GCN1: variants seen among roughly 807,000 people sequenced by gnomAD.
The protein encoded by GCN1 is GCN1 activator of EIF2AK4.
GCN1 carries 90 observed loss-of-function variants against 288.4 expected under a neutral mutation model. The observed-to-expected ratio is 0.31, with a 90% CI of 0.26 to 0.37. The LOEUF (loss-of-function observed/expected upper bound fraction) is 0.37. Ranked by LOEUF, GCN1 falls within the 10% of genes least tolerant of loss-of-function variation. GCN1 has a pLI of 1.00. For synonymous variants in GCN1, 1,386 were observed against 1,420.2 expected (o/e 0.98, Z 0.54); for missense variants, 2,586 against 3,419.9 (o/e 0.76, Z 6.08).
At chr12:120,166,220 T>G (rs1282833486) in intron 16 of GCN1, among the ~76,000 whole-genome samples, 1 of 147,456 alleles carries the variant, frequency 6.8e-6, no homozygotes, top group East Asian at 2.1e-4. Flanking sequence ...CTGGCCAACA[T>G]AGTAAAACCC....
Position 120,158,058 on chromosome 12 carries a change from C to A in GCN1, c.2906-28G>T. On this transcript the variant is annotated intron_variant, in intron 25 of 57. Transcript: ENST00000300648. This position sits in a 1 kb window ranked among gnomAD's most constrained non-coding sequence, Gnocchi z 4.3. ...GTGAGAGCGAGAAGCAGATAAGATTCTGCAGGCAGGGCAGGGACCCGGGCC... is the reference window on the plus strand; with the variant it reads ...GTGAGAGCGAGAAGCAGATAAGATTATGCAGGCAGGGCAGGGACCCGGGCC... 4 of 1,609,772 alleles carry A rather than the reference C, an allele frequency of 2.5e-6. No homozygotes were observed. Among genetic ancestry groups the A allele is most frequent in the Non-Finnish European group, 3.4e-6 (4 of 1,177,140 alleles).
intron 45 of GCN1, 35 bp downstream of exon 45, chr12:120,140,824 G>C (rs1448340641): frequency 6.2e-7 from 1 of 1,602,214 alleles, no homozygotes; most frequent in Non-Finnish European, 8.5e-7. Context: ...GTCGTCTGCA[G>C]TGCACAGCTG....
At chr12:120,180,305 C>T (rs9651914) in intron 5 of GCN1, among the ~76,000 whole-genome samples, 31,760 of 149,896 alleles carry the variant, frequency 0.21, 4,013 homozygotes, top group East Asian at 0.56. Flanking sequence ...GCCTGGGCAA[C>T]GAGAGCGAAA....
intron 53 of GCN1, among the ~76,000 whole-genome samples, chr12:120,133,978 G>A (rs1168902795): frequency 1.3e-5 from 2 of 152,208 alleles, no homozygotes; most frequent in East Asian, 1.9e-4. Flanking sequence ...ACCGAGGCAG[G>A]AGAATCGCTT....
At chr12:120,150,187 T>G in intron 34 of GCN1, 144 bp from the exon 35 acceptor site, 1 of 740,532 alleles carries the variant, frequency 1.4e-6, no homozygotes, top group Non-Finnish European at 2.2e-6. Flanking sequence ...AGATGCCCCA[T>G]GAGGAGGCAG....
At chr12:120,175,897 C>T in intron 10 of GCN1, 23 bp from the exon 11 acceptor site, 1 of 1,592,972 alleles carries the variant, frequency 6.3e-7, no homozygotes, top group Non-Finnish European at 8.5e-7. Flanking sequence ...AGCCACTGCT[C>T]AGAAGCAGCC....
intron 9 of GCN1, among the ~76,000 whole-genome samples, chr12:120,176,472 C>T (rs1159314192): frequency 6.6e-6 from 1 of 152,140 alleles, no homozygotes; most frequent in East Asian, 1.9e-4. Context: ...CCCTCAGATC[C>T]CATGATTTCA....
At position 120,142,863 on chromosome 12, in the gene GCN1, G is replaced by A; in HGVS notation, c.5574C>T (p.Ala1858=). 6.2e-7 allele frequency: 1 copy of A among 1,613,562 alleles called. No individual in the cohort carries two copies. Among genetic ancestry groups the A allele is most frequent in the South Asian group, 1.1e-5 (1 of 91,066 alleles). ...CAGTTCCAAAGTTATCATCCTCAGAGGCAGTTTCTGTGGTCATCTTCCCAG... is the reference window on the plus strand; with the variant it reads ...CAGTTCCAAAGTTATCATCCTCAGAAGCAGTTTCTGTGGTCATCTTCCCAG... ...GVTGKMTTET[A]SEDDNFGTAQ... The change falls in exon 43 of 58, where the codon GCC becomes GCT. Residue 1858 remains alanine, a synonymous_variant. Coordinates refer to ENST00000300648, the MANE Select transcript of GCN1 (RefSeq NM_006836.2). The surrounding 1 kb of genome is among the most constrained non-coding windows in gnomAD (Gnocchi z 4.9).
intron 9 of GCN1, 92 bp from the exon 10 acceptor site, chr12:120,176,309 G>C (rs1878480687): frequency 1.2e-6 from 1 of 802,360 alleles, no homozygotes; most frequent in East Asian, 2.5e-5. Context: ...ATGCCACTAG[G>C]CCTGCTGTCT....
rs1423640547 is a variant in GCN1, at chr12:120,161,503, A to G, written c.2423T>C (p.Leu808Pro). ...CCGTGTACTCACCTCCTTCAGCTCC[A>G]GCTCGATGATCTGCTCTTTGAAGGA... The part of the protein sequence containing the change: ...AYSFKEQIIE[L>P]ELKEEIKKKK... Residue 808 changes from leucine to proline, a missense_variant, in exon 22 of 58, where the codon CTG (leucine) becomes CCG (proline). This residue lies in a region of GCN1 where 913 missense variants were observed against 1,107.0 expected (regional missense o/e 0.82). Coordinates refer to ENST00000300648, the MANE Select transcript of GCN1 (RefSeq NM_006836.2). 6.2e-7 allele frequency: 1 copy of G among 1,612,552 alleles called. No individual in the cohort carries two copies. The highest frequency in any genetic ancestry group is 8.5e-7 in the Non-Finnish European group (1 of 1,178,556).
Position 120,170,249 on chromosome 12 carries a change from C to G in GCN1, c.1439G>C (p.Ser480Thr), listed in dbSNP as rs762183464. 1.5e-5 allele frequency: 25 copies of G among 1,614,090 alleles called. No homozygotes were observed. In the South Asian group the frequency reaches 2.7e-4, roughly 18 times the overall value. ...TTCAGTGATGGTGGGAACCTGAGTGCTTTGGGAGGCTGCCTTCTCCACTGT... is the reference window on the plus strand; with the variant it reads ...TTCAGTGATGGTGGGAACCTGAGTGGTTTGGGAGGCTGCCTTCTCCACTGT... ...IQTVEKAASQSTQVPTITEGV... is the reference protein window; with the variant it reads ...IQTVEKAASQTTQVPTITEGV... Residue 480 changes from serine to threonine, a missense_variant, in exon 15 of 58, where the codon AGC becomes ACC. Physicochemically the swap from Ser to Thr is moderately conservative, Grantham distance 58. Around this residue, in one of 8 missense-constraint regions of GCN1, gnomAD observed 913 missense variants for 1,107.0 expected, o/e 0.82. Transcript: ENST00000300648.
At chr12:120,133,209 G>T (rs1159151843) in intron 53 of GCN1, among the ~76,000 whole-genome samples, 8 of 151,868 alleles carry the variant, frequency 5.3e-5, no homozygotes, top group African/African-American at 1.9e-4. Flanking sequence ...GTGTGTGTGG[G>T]TGTGTGTGTG....
intron 2 of GCN1, among the ~76,000 whole-genome samples, chr12:120,188,440 G>GAAAAAAA (rs1229562559): frequency 8.6e-6 from 1 of 115,754 alleles, no homozygotes; most frequent in African/African-American, 3.4e-5. Context: ...TCTCACCAAA[G>GAAAAAAA]AAAAAAAAAA....
At chr12:120,169,765 G>A (rs1040879423) in intron 15 of GCN1, among the ~76,000 whole-genome samples, 6 of 152,222 alleles carry the variant, frequency 3.9e-5, no homozygotes, top group African/African-American at 1.4e-4. Context: ...GCCTCCCAAA[G>A]TGCAAAATTG....
At chr12:120,161,779 G>C in intron 21 of GCN1, 101 bp downstream of exon 21, 3 of 1,168,618 alleles carry the variant, frequency 2.6e-6, no homozygotes, top group Non-Finnish European at 3.7e-6. Flanking sequence ...GAATGGATAG[G>C]CTGTTGCATT....
At chr12:120,138,602 C>T (rs1204511430) in intron 46 of GCN1, 93 bp downstream of exon 46, 78 of 1,345,282 alleles carry the variant, frequency 5.8e-5, no homozygotes, top group Non-Finnish European at 7.6e-5. Flanking sequence ...GCCCACATTG[C>T]GACTGCCTTG....
chr12:120,154,311 A>G (rs1877668964), intron 31 of GCN1, among the ~76,000 whole-genome samples: 1 of 152,248 alleles, frequency 6.6e-6, no homozygotes, highest in Non-Finnish European at 1.5e-5. Context: ...CATGGAGCAA[A>G]GAATCTGTGT....
At chr12:120,151,484 T>A in intron 33 of GCN1, 93 bp from the exon 34 acceptor site, 1 of 1,325,918 alleles carries the variant, frequency 7.5e-7, no homozygotes, top group Non-Finnish European at 1.0e-6. Context: ...CACCCACCAC[T>A]AGATGTCCCA....
In GCN1 at chr12:120,134,976, G is replaced by A. The variant is rs1376983090; in HGVS notation, c.7009-250C>T. ...GAGGAGGCGGCGGCCGCTATCTGAG[G>A]GAGCTGTCTCGCAGCCTTGGCTGCG... On this transcript the variant is annotated intron_variant, in intron 51 of 57. Coordinates refer to ENST00000300648, the MANE Select transcript of GCN1 (RefSeq NM_006836.2). The surrounding 1 kb of genome is among the most constrained non-coding windows in gnomAD (Gnocchi z 5.0). Among the ~76,000 whole-genome samples, 1 of 152,238 alleles carries A rather than the reference G, an allele frequency of 6.6e-6. No individual in the cohort carries two copies. Among genetic ancestry groups the A allele is most frequent in the Non-Finnish European group, 1.5e-5 (1 of 68,046 alleles).
Sources: gnomAD v4.1 joint callset for allele counts (sites outside exome capture counted in the v4.1 genomes callset) on GRCh38, gnomAD v4.1.1 for gene constraint, gnomAD v4.1.1 regional missense constraint, Gnocchi (gnomAD v3.1) non-coding constraint, MANE v1.5 for transcripts, NCBI Gene and HGNC (gene_info 2026-07-23, HGNC 2026-07-21) for gene names.